Variants in NR3C1 observed in about 807,000 individuals in gnomAD.
NR3C1 encodes the protein nuclear receptor subfamily 3 group C member 1, also known as glucocorticoid receptor.
Under a neutral mutation model 74.0 loss-of-function variants are expected in NR3C1, and 14 were observed. That is an observed-to-expected ratio of 0.19 (90% confidence interval 0.12 to 0.30). The LOEUF (loss-of-function observed/expected upper bound fraction) is 0.30, where lower values mean the gene tolerates loss of function less well. Ranked by LOEUF, NR3C1 falls within the 10% of genes least tolerant of loss-of-function variation. NR3C1 has a pLI of 1.00. For synonymous variants in NR3C1, 308 were observed against 332.5 expected (o/e 0.93, Z 0.80); for missense variants, 695 against 909.8 (o/e 0.76, Z 3.04).
intron 7 of NR3C1, among the ~76,000 whole-genome samples, chr5:143,283,045 A>G (rs1813480418): frequency 6.6e-6 from 1 of 152,084 alleles, no homozygotes; most frequent in African/African-American, 2.4e-5. Context: ...GTGTCTGGCT[A>G]AATTTTTTTG....
At position 143,403,561 on chromosome 5, in the gene NR3C1, C is replaced by A; in HGVS notation, c.-364G>T. The A allele has an allele frequency of 1.0e-6, 1 of 986,022 alleles. No homozygotes were observed. The allele number at this position is 986,022 out of a possible 1,614,324, so 61.1% of individuals were successfully genotyped here. On this transcript the variant is annotated 5_prime_UTR_variant, in exon 1 of 9. Coordinates refer to ENST00000394464, the MANE Select transcript of NR3C1 (RefSeq NM_000176.3). ...CGACGGGCAGGCGGTGACTCGGGCT[C>A]CCGTCACAGACACGAGCTCGCAAAA...
intron 1 of NR3C1, among the ~76,000 whole-genome samples, chr5:143,428,589 G>A (rs922910591): frequency 1.3e-5 from 2 of 152,128 alleles, no homozygotes; most frequent in African/African-American, 4.8e-5. Context: ...CATTTTATTG[G>A]AACACAGCAC....
At chr5:143,383,660 T>A (rs961021104) in intron 2 of NR3C1, among the ~76,000 whole-genome samples, 1 of 152,190 alleles carries the variant, frequency 6.6e-6, no homozygotes. Flanking sequence ...ACACATATTG[T>A]TAAAAGCAGA....
intron 2 of NR3C1, among the ~76,000 whole-genome samples, chr5:143,318,092 T>C (rs1400373078): frequency 2.0e-5 from 3 of 152,254 alleles, no homozygotes; most frequent in Middle Eastern, 6.8e-3. Context: ...TAGAGTTATA[T>C]AAAGCATTGT....
At chr5:143,363,334 T>C (rs565554582) in intron 2 of NR3C1, among the ~76,000 whole-genome samples, 1 of 151,072 alleles carries the variant, frequency 6.6e-6, no homozygotes, top group African/African-American at 2.4e-5. Context: ...ACTGCCAGAG[T>C]TGTTACACTA....
chr5:143,312,262 G>C (rs1821141575), intron 3 of NR3C1, among the ~76,000 whole-genome samples: 1 of 152,142 alleles, frequency 6.6e-6, no homozygotes, highest in Non-Finnish European at 1.5e-5. Flanking sequence ...CCTTTACCAA[G>C]ATTGGTCTGT....
intron 2 of NR3C1, among the ~76,000 whole-genome samples, chr5:143,319,768 T>G (rs769423718): frequency 1.3e-5 from 2 of 151,290 alleles, no homozygotes; most frequent in East Asian, 3.9e-4. Flanking sequence ...TGAGAAAACC[T>G]GGCCATAAAG....
rs920200981 is a variant in NR3C1, at chr5:143,391,323, T to A, written c.1184+8333A>T. Among the ~76,000 whole-genome samples, 13 of 152,152 alleles carry A rather than the reference T, an allele frequency of 8.5e-5. 1 individual carries two copies. The highest frequency in any genetic ancestry group is 7.9e-4 in the Admixed American group (12 of 15,276). The stretch of plus-strand genomic sequence containing the variant: ...CCATTTGATCAATAAAGAAAACAAG[T>A]CAGTGCAGTCAAGTTTCACAATCCT... On this transcript the variant is annotated intron_variant, in intron 2 of 8. Coordinates refer to ENST00000394464, the MANE Select transcript of NR3C1 (RefSeq NM_000176.3).
At chr5:143,325,994 G>A (rs557073595) in intron 2 of NR3C1, among the ~76,000 whole-genome samples, 14 of 152,272 alleles carry the variant, frequency 9.2e-5, no homozygotes, top group African/African-American at 3.4e-4. Context: ...TAATCATACT[G>A]GAAACTACTG....
chr5:143,307,523 C>G (rs1412146825), intron 4 of NR3C1, among the ~76,000 whole-genome samples: 2 of 152,154 alleles, frequency 1.3e-5, no homozygotes, highest in Non-Finnish European at 2.9e-5. Context: ...CTCCAAAGAT[C>G]TTAAACTTTA....
chr5:143,392,309 G>A (rs571868809), intron 2 of NR3C1, among the ~76,000 whole-genome samples: 1 of 152,226 alleles, frequency 6.6e-6, no homozygotes, highest in African/African-American at 2.4e-5. Context: ...CACAAATCCT[G>A]TCAGGTAAAA....
At chr5:143,312,947 C>G (rs1396952615) in intron 3 of NR3C1, among the ~76,000 whole-genome samples, 1 of 152,162 alleles carries the variant, frequency 6.6e-6, no homozygotes, top group Non-Finnish European at 1.5e-5. Context: ...CCAAAGCTGC[C>G]ATCCTTGTAA....
intron 2 of NR3C1, among the ~76,000 whole-genome samples, chr5:143,384,894 G>T (rs1836903764): frequency 6.6e-6 from 1 of 152,222 alleles, no homozygotes; most frequent in Admixed American, 6.5e-5. Flanking sequence ...TCTGTGTGGG[G>T]GCTCTAACCC....
intron 1 of NR3C1, among the ~76,000 whole-genome samples, chr5:143,421,056 A>T (rs569672482): frequency 1.3e-5 from 2 of 152,184 alleles, no homozygotes; most frequent in Non-Finnish European, 2.9e-5. Flanking sequence ...TTCACCAAAA[A>T]AGATACTTGA....
intron 2 of NR3C1, among the ~76,000 whole-genome samples, chr5:143,383,564 ACC>A (rs1836644478): frequency 6.6e-6 from 1 of 152,240 alleles, no homozygotes; most frequent in African/African-American, 2.4e-5. Context: ...GCCAGAGGAT[ACC>A]ATCAGATGAG....
At chr5:143,413,050 T>C (rs137996528) in intron 1 of NR3C1, among the ~76,000 whole-genome samples, 6 of 152,324 alleles carry the variant, frequency 3.9e-5, no homozygotes, top group African/African-American at 1.4e-4. Flanking sequence ...AAATAGCAAC[T>C]ATTATATGTT....
At chr5:143,298,593 GCAGT>G in intron 6 of NR3C1, 71 bp downstream of exon 6, 1 of 1,464,230 alleles carries the variant, frequency 6.8e-7, no homozygotes, top group South Asian at 1.1e-5. Context: ...TATCACAATA[GCAGT>G]CAATCAGGAA....
intron 2 of NR3C1, among the ~76,000 whole-genome samples, chr5:143,372,715 G>C (rs1372624437): frequency 6.6e-6 from 1 of 152,080 alleles, no homozygotes; most frequent in Non-Finnish European, 1.5e-5. Context: ...ATAAAAGTTG[G>C]GGAGGCTAAA....
In NR3C1 at chr5:143,326,006, C is replaced by T. The variant is rs1824523012; in HGVS notation, c.1185-11838G>A. ...TAATAATCATACTGGAAACTACTGACTTGTAATTCTGTGTGTCAAGCTGCA... is the reference window on the plus strand; with the variant it reads ...TAATAATCATACTGGAAACTACTGATTTGTAATTCTGTGTGTCAAGCTGCA... On this transcript the variant is annotated intron_variant, in intron 2 of 8. Transcript: ENST00000394464. Among the ~76,000 whole-genome samples the T allele has an allele frequency of 2.0e-5, 3 of 152,190 alleles. No individual in the cohort carries two copies. In the South Asian group the frequency reaches 6.2e-4, roughly 31 times the overall value.
Sources: gnomAD v4.1 joint callset for allele counts (sites outside exome capture counted in the v4.1 genomes callset) on GRCh38, gnomAD v4.1.1 for gene constraint, MANE v1.5 for transcripts, NCBI Gene and HGNC (gene_info 2026-07-23, HGNC 2026-07-21) for gene names.